The following TTLL1 variants were observed in gnomAD, a reference collection of about 807,000 sequenced individuals.
TTLL1 encodes the protein polyglutamylase complex subunit TTLL1.
In TTLL1, 33 loss-of-function variants were observed where a neutral mutation model predicts 47.8. That is an observed-to-expected ratio of 0.69 (90% CI 0.52 to 0.92). TTLL1 has a LOEUF of 0.92. Ranked by LOEUF, TTLL1 falls within the 40% of genes least tolerant of loss-of-function variation. The probability of loss-of-function intolerance (pLI) is 0.00; values close to 1 mark genes in which losing one functional copy is unlikely to be tolerated. For missense variants in TTLL1, 488 were observed against 547.5 expected (o/e 0.89, Z 1.08); for synonymous variants, 225 against 214.1 (o/e 1.05, Z -0.45).
At position 43,040,788 on chromosome 22, in the gene TTLL1, T is replaced by A. The variant is rs193109775; in HGVS notation, c.1143-883A>T. Among the ~76,000 whole-genome samples, 8 of 152,262 alleles carry A rather than the reference T, an allele frequency of 5.3e-5. No homozygotes were observed. In the East Asian group the frequency reaches 1.5e-3, roughly 29 times the overall value. ...CTGTTTCCCAATTAACGTTCATGCA[T>A]CCTAAGGCCGCGTGTGCTAAGGAGG... On this transcript the variant is annotated intron_variant, in intron 10 of 10. Transcript: ENST00000266254.
At chr22:43,085,360 G>A (rs117737062) in intron 1 of TTLL1, among the ~76,000 whole-genome samples, 1,930 of 152,240 alleles carry the variant, frequency 0.013, 25 homozygotes, top group Non-Finnish European at 0.019. Flanking sequence ...GTATATTATC[G>A]TCTCATGTGA....
intron 3 of TTLL1, among the ~76,000 whole-genome samples, chr22:43,074,133 A>G (rs148850514): frequency 3.4e-3 from 516 of 152,092 alleles, no homozygotes; most frequent in African/African-American, 0.012. Flanking sequence ...CTCTCAAAAT[A>G]TCAATTAGCT....
At chr22:43,080,147 C>T (rs1342501164) in intron 1 of TTLL1, among the ~76,000 whole-genome samples, 161 bp from the exon 2 acceptor site, 1 of 152,016 alleles carries the variant, frequency 6.6e-6, no homozygotes, top group Non-Finnish European at 1.5e-5. Context: ...CTCTGCCTCC[C>T]GGGTTCAAGT....
intron 10 of TTLL1, among the ~76,000 whole-genome samples, chr22:43,042,994 C>A (rs931551893): frequency 7.0e-6 from 1 of 143,662 alleles, no homozygotes; most frequent in Non-Finnish European, 1.5e-5. Flanking sequence ...GGCTGGAGTG[C>A]GGTGGCACGA....
chr22:43,070,161 A>G, intron 3 of TTLL1: 1 of 1,404,412 alleles, frequency 7.1e-7, no homozygotes, highest in East Asian at 3.7e-5. Context: ...TCAACAAATA[A>G]AAGATATACC....
intron 8 of TTLL1, among the ~76,000 whole-genome samples, chr22:43,053,230 G>A (rs1019626849): frequency 1.3e-5 from 2 of 152,062 alleles, no homozygotes; most frequent in Non-Finnish European, 2.9e-5. Flanking sequence ...GCATAGAGAC[G>A]GGGTAGGGAG....
chr22:43,042,192 G>A (rs1287200384), intron 10 of TTLL1, among the ~76,000 whole-genome samples: 2 of 152,232 alleles, frequency 1.3e-5, no homozygotes, highest in Non-Finnish European at 2.9e-5. Flanking sequence ...AGGTCTGGTG[G>A]ATAGGAATCT....
chr22:43,045,039 T>G (rs923114142), intron 10 of TTLL1, among the ~76,000 whole-genome samples: 1 of 152,152 alleles, frequency 6.6e-6, no homozygotes, highest in Admixed American at 6.6e-5. Context: ...ATTTTTGTAT[T>G]TTTAGTAGAG....
At chr22:43,055,116 C>T (rs1016533247) in intron 8 of TTLL1, among the ~76,000 whole-genome samples, 1 of 151,484 alleles carries the variant, frequency 6.6e-6, no homozygotes, top group African/African-American at 2.4e-5. Context: ...CTCTACCTCC[C>T]GGGTTCAAGC....
At chr22:43,083,825 G>A (rs1929055643) in intron 1 of TTLL1, among the ~76,000 whole-genome samples, 1 of 151,926 alleles carries the variant, frequency 6.6e-6, no homozygotes, top group African/African-American at 2.4e-5. Context: ...CCTGAGTTGG[G>A]GATATGATCA....
chr22:43,046,325 C>T (rs879537309), intron 10 of TTLL1, 85 bp downstream of exon 10: 29 of 1,510,756 alleles, frequency 1.9e-5, no homozygotes, highest in Non-Finnish European at 2.4e-5. Flanking sequence ...GGAGAATCCA[C>T]ATATGCCCAG....
At chr22:43,042,938 CTTT>C (rs59595664) in intron 10 of TTLL1, among the ~76,000 whole-genome samples, 5 of 129,738 alleles carry the variant, frequency 3.9e-5, no homozygotes, top group African/African-American at 8.8e-5. Flanking sequence ...GCTGCTTTTT[CTTT>C]TTTTTTTTTT....
In TTLL1 at chr22:43,088,324, C is replaced by CCTTTTTTT. The variant is rs1929375639; in HGVS notation, c.-90+952_-90+953insAAAAAAAG. 5.7e-4 allele frequency among the ~76,000 whole-genome samples: 32 copies of CCTTTTTTT among 56,492 alleles called. 1 individual carries two copies. Among genetic ancestry groups the CCTTTTTTT allele is most frequent in the African/African-American group, 2.3e-3 (32 of 13,664 alleles). The allele number at this position is 56,492 out of a possible 152,430, so 37.1% of individuals were successfully genotyped here. ...AATTTGAGGGCAGAGAAGGGCCCAT[C>CCTTTTTTT]TTTTTTTTTTTTTTTTTTTTTTTTT... On this transcript the variant is annotated intron_variant, in intron 1 of 10. Coordinates refer to ENST00000266254, the MANE Select transcript of TTLL1 (RefSeq NM_012263.5).
At position 43,064,187 on chromosome 22, in the gene TTLL1, T is replaced by C. The variant is rs1927574614; in HGVS notation, c.638+3A>G. The C allele has an allele frequency of 3.7e-6, 6 of 1,606,216 alleles. No homozygotes were observed. The highest frequency in any genetic ancestry group is 5.1e-6 in the Non-Finnish European group (6 of 1,178,166). The stretch of plus-strand genomic sequence containing the variant: ...AGGGAACCAAAACCTTAGGGACGCT[T>C]ACATGTAACAGCGCAGTGGACGGTA... On this transcript the variant is annotated splice_donor_region_variant and intron_variant, in intron 6 of 10. Coordinates refer to ENST00000266254, the MANE Select transcript of TTLL1 (RefSeq NM_012263.5).
intron 1 of TTLL1, among the ~76,000 whole-genome samples, chr22:43,084,565 G>C (rs750144660): frequency 4.1e-4 from 62 of 151,182 alleles, no homozygotes; most frequent in Non-Finnish European, 7.2e-4. Flanking sequence ...GCAGTGGCGC[G>C]ATCTTGGCTC....
At chr22:43,088,108 C>T (rs1033030231) in intron 1 of TTLL1, among the ~76,000 whole-genome samples, 5 of 151,742 alleles carry the variant, frequency 3.3e-5, no homozygotes, top group Non-Finnish European at 7.4e-5. Context: ...AGAGCGACCG[C>T]ACTCCAGCCT....
intron 8 of TTLL1, among the ~76,000 whole-genome samples, chr22:43,054,418 A>G (rs1569421142): frequency 6.6e-6 from 1 of 151,284 alleles, no homozygotes; most frequent in African/African-American, 2.4e-5. Context: ...AACCCGACAT[A>G]ATCTCTTTTT....
chr22:43,048,322 A>G (rs1421171534), intron 9 of TTLL1, among the ~76,000 whole-genome samples: 1 of 151,444 alleles, frequency 6.6e-6, no homozygotes, highest in Non-Finnish European at 1.5e-5. Flanking sequence ...GTCTCAAAAA[A>G]AAAGAAAGAA....
At chr22:43,063,632 G>T (rs964464340) in intron 7 of TTLL1, among the ~76,000 whole-genome samples, 181 bp downstream of exon 7, 1 of 151,470 alleles carries the variant, frequency 6.6e-6, no homozygotes, top group Non-Finnish European at 1.5e-5. Flanking sequence ...GGTAATTTCC[G>T]TATTTTTTTT....
Sources: allele counts gnomAD v4.1 joint callset (sites outside exome capture counted in the v4.1 genomes callset), GRCh38; gene constraint gnomAD v4.1.1; transcripts MANE v1.5; gene names NCBI Gene and HGNC (gene_info 2026-07-23, HGNC 2026-07-21).